Variants in GDA observed in about 807,000 individuals in gnomAD.
GDA encodes guanine deaminase, also known as cytoplasmic PSD-95 interactor.
A neutral mutation model predicts 59.6 loss-of-function variants in GDA; 18 were observed. The observed-to-expected ratio is 0.30, with a 90% CI of 0.21 to 0.45. GDA has a LOEUF of 0.45. Ranked by LOEUF, GDA falls within the 20% of genes least tolerant of loss-of-function variation. GDA has a pLI of 1.00. For synonymous variants in GDA, 201 were observed against 201.1 expected, an observed-to-expected ratio of 1.00 and a Z score of 0.00; for missense variants, 427 against 552.3, an observed-to-expected ratio of 0.77 and a Z score of 2.27.
chr9:72,140,615 T>C (rs1826408285), intron 1 of GDA, among the ~76,000 whole-genome samples: 1 of 152,202 alleles, frequency 6.6e-6, no homozygotes, highest in Non-Finnish European at 1.5e-5. Flanking sequence ...AAATTATACA[T>C]ATTAATGATA....
At chr9:72,183,112 T>C (rs1212579966) in intron 1 of GDA, among the ~76,000 whole-genome samples, 2 of 152,154 alleles carry the variant, frequency 1.3e-5, no homozygotes, top group Admixed American at 6.5e-5. Context: ...TGGAGAATGG[T>C]ATTTAGAAAC....
At chr9:72,253,836 A>C (rs1840824565), downstream of GDA, among the ~76,000 whole-genome samples, 1 of 152,204 alleles carries the variant, frequency 6.6e-6, no homozygotes, top group Non-Finnish European at 1.5e-5. Flanking sequence ...TCAGGATTTA[A>C]ATTAAAAAAA....
chr9:72,237,599 T>C (rs1839162502), intron 10 of GDA, among the ~76,000 whole-genome samples: 1 of 152,158 alleles, frequency 6.6e-6, no homozygotes, highest in African/African-American at 2.4e-5. Context: ...CAGGTTCTTA[T>C]ATCCAGCCCA....
At chr9:72,174,126 C>T (rs1830290378) in intron 1 of GDA, among the ~76,000 whole-genome samples, 1 of 152,178 alleles carries the variant, frequency 6.6e-6, no homozygotes, top group Admixed American at 6.5e-5. Flanking sequence ...TCAAGGTTCT[C>T]TGGAGTTCAA....
At chr9:72,131,479 C>G (rs753040672) in intron 1 of GDA, among the ~76,000 whole-genome samples, 1 of 152,106 alleles carries the variant, frequency 6.6e-6, no homozygotes, top group Non-Finnish European at 1.5e-5. Flanking sequence ...GCATCCACCC[C>G]CACGATCCAG....
intron 1 of GDA, among the ~76,000 whole-genome samples, chr9:72,155,612 CTA>C (rs1424406086): frequency 1.3e-5 from 2 of 152,110 alleles, no homozygotes; most frequent in African/African-American, 4.8e-5. Context: ...GTAGGCAGGG[CTA>C]TGTTATGGAG....
chr9:72,248,182 G>T (rs117584965), intron 13 of GDA, 90 bp from the exon 14 acceptor site: 3 of 866,594 alleles, frequency 3.5e-6, no homozygotes, highest in African/African-American at 3.3e-5. Context: ...TCTCCTAGAA[G>T]TATCTTTAAA....
intron 1 of GDA, among the ~76,000 whole-genome samples, chr9:72,119,302 T>A (rs1231249035): frequency 1.3e-5 from 2 of 152,136 alleles, no homozygotes; most frequent in African/African-American, 4.8e-5. Context: ...CTCAGGAGTT[T>A]GAGACCAGCC....
At chr9:72,247,480 CCTGT>C in intron 13 of GDA, 47 bp downstream of exon 13, 2 of 1,017,826 alleles carry the variant, frequency 2.0e-6, no homozygotes, top group Non-Finnish European at 3.1e-6. Context: ...AGAACCTTTC[CCTGT>C]CTTTTTCTTG....
intron 1 of GDA, among the ~76,000 whole-genome samples, chr9:72,132,045 T>C (rs1025525563): frequency 1.3e-5 from 2 of 152,174 alleles, no homozygotes; most frequent in Admixed American, 1.3e-4. Flanking sequence ...TCAGATCTTA[T>C]GAGACTCATT....
At chr9:72,118,273 CAAAAAA>C (rs373179585) in intron 1 of GDA, among the ~76,000 whole-genome samples, 1,050 of 66,212 alleles carry the variant, frequency 0.016, 24 homozygotes, top group African/African-American at 0.067. Context: ...GACTCCACCT[CAAAAAA>C]AAAAAAAAAA....
intron 1 of GDA, among the ~76,000 whole-genome samples, chr9:72,124,947 G>A (rs905835033): frequency 6.6e-6 from 1 of 152,084 alleles, no homozygotes; most frequent in African/African-American, 2.4e-5. Context: ...GGTGAGCAGG[G>A]TTTTAACCTC....
intron 8 of GDA, 127 bp downstream of exon 8, chr9:72,225,911 A>C (rs1451055028): frequency 3.7e-6 from 2 of 542,524 alleles, no homozygotes; most frequent in Non-Finnish European, 6.6e-6. Flanking sequence ...TTAAAGTTTT[A>C]ATTTTTGTGG....
chr9:72,143,374 C>A lies in GDA; in HGVS notation c.-100+28541C>A, dbSNP rs184991465. 3.7e-3 allele frequency among the ~76,000 whole-genome samples: 564 copies of A among 152,158 alleles called. 4 individuals carry two copies. Among genetic ancestry groups the A allele is most frequent in the African/African-American group, 0.012 (514 of 41,510 alleles). On this transcript the variant is annotated intron_variant, in intron 1 of 13. Transcript: ENST00000545168. ...GAACTCCTGACCTCAGGTGATACAC[C>A]TGCCTAGGCCTCCCAAAGTGCTGTG...
intron 1 of GDA, among the ~76,000 whole-genome samples, chr9:72,157,087 T>G (rs1047603847): frequency 1.4e-5 from 2 of 138,630 alleles, no homozygotes; most frequent in African/African-American, 5.5e-5. Context: ...TTGCCTAGGC[T>G]GGGGTGCAGT....
chr9:72,252,233 T>C (rs1184308819), downstream of GDA: 1 of 152,618 alleles, frequency 6.6e-6, no homozygotes, highest in African/African-American at 2.4e-5. Flanking sequence ...TATTTTTTGT[T>C]GTGAGTTCTC....
intron 1 of GDA, among the ~76,000 whole-genome samples, chr9:72,184,339 A>G (rs1831613391): frequency 6.6e-6 from 1 of 152,194 alleles, no homozygotes; most frequent in Non-Finnish European, 1.5e-5. Context: ...TCACTGTCCT[A>G]AAATTCTTCT....
chr9:72,231,573 A>T (rs187211419), intron 10 of GDA, among the ~76,000 whole-genome samples: 44 of 152,208 alleles, frequency 2.9e-4, no homozygotes, highest in African/African-American at 1.0e-3. Context: ...TCAAAAAAAA[A>T]AAAAGGAAAT....
At chr9:72,243,439 C>G (rs1311977335) in intron 11 of GDA, among the ~76,000 whole-genome samples, 1 of 152,174 alleles carries the variant, frequency 6.6e-6, no homozygotes, top group South Asian at 2.1e-4. Flanking sequence ...GTCAGTAATT[C>G]AGTTTAATTC....
Sources: allele counts gnomAD v4.1 joint callset (sites outside exome capture counted in the v4.1 genomes callset), GRCh38; gene constraint gnomAD v4.1.1; transcripts MANE v1.5; gene names NCBI Gene and HGNC (gene_info 2026-07-23, HGNC 2026-07-21).